The following LRGUK variants were observed in gnomAD, a reference collection of about 807,000 sequenced individuals.
The protein encoded by LRGUK is leucine-rich repeat and guanylate kinase domain-containing protein.
In LRGUK, 65 loss-of-function variants were observed where a neutral mutation model predicts 76.0. The observed-to-expected ratio is 0.85, with a 90% confidence interval of 0.70 to 1.05. The LOEUF (loss-of-function observed/expected upper bound fraction) is 1.05, where lower values mean the gene tolerates loss of function less well. LRGUK is among the 50% of genes least tolerant of loss of function. The probability of loss-of-function intolerance (pLI) is 0.00; values close to 1 mark genes in which losing one functional copy is unlikely to be tolerated. For missense variants in LRGUK, 758 were observed against 732.8 expected (o/e 1.03, Z -0.40); for synonymous variants, 268 against 265.6 (o/e 1.01, Z -0.09).
At chr7:134,189,136 T>C (rs537434103) in intron 11 of LRGUK, among the ~76,000 whole-genome samples, 44 of 152,292 alleles carry the variant, frequency 2.9e-4, no homozygotes, top group African/African-American at 9.9e-4. Flanking sequence ...GAGTCTGGGG[T>C]TCATCTCTAA....
At position 134,139,387 on chromosome 7, in the gene LRGUK, A is replaced by G. The variant is rs1797670337; in HGVS notation, c.406-49A>G. On this transcript the variant is annotated intron_variant, in intron 2 of 15. Transcript: ENST00000645682. ...AAGAGTTATTGCAAGAAGGCTGAGT[A>G]GTAACCTGATAAAGCAACATTAAAG... is the stretch of plus-strand genomic sequence containing the variant. The G allele has an allele frequency of 2.5e-6, 3 of 1,203,224 alleles. No homozygotes were observed. The East Asian group carries it at 7.1e-5, about 29-fold the overall frequency. 74.5% of individuals were successfully genotyped at this position (1,203,224 alleles called of 1,614,324 possible).
chr7:134,166,438 C>T (rs1462483770), intron 7 of LRGUK, among the ~76,000 whole-genome samples: 1 of 152,058 alleles, frequency 6.6e-6, no homozygotes, highest in Non-Finnish European at 1.5e-5. Flanking sequence ...AACCTCAGTC[C>T]TTTCTTCTAG....
At chr7:134,223,929 A>G (rs1447957355) in intron 16 of LRGUK, among the ~76,000 whole-genome samples, 1 of 152,080 alleles carries the variant, frequency 6.6e-6, no homozygotes, top group Admixed American at 6.5e-5. Context: ...GCTAACTAGT[A>G]GGTTTTTTTC....
At chr7:134,262,819 T>C (rs1802763948) in intron 19 of LRGUK, among the ~76,000 whole-genome samples, 1 of 151,600 alleles carries the variant, frequency 6.6e-6, no homozygotes, top group Non-Finnish European at 1.5e-5. Flanking sequence ...AATACAAAAA[T>C]TACGCAGATG....
At chr7:134,202,108 A>C (rs922898941) in intron 15 of LRGUK, among the ~76,000 whole-genome samples, 3 of 152,168 alleles carry the variant, frequency 2.0e-5, no homozygotes, top group Non-Finnish European at 2.9e-5. Flanking sequence ...GTTCTGCTAC[A>C]TGGACCTAAT....
intron 15 of LRGUK, among the ~76,000 whole-genome samples, chr7:134,203,219 A>G (rs760103477): frequency 2.0e-5 from 3 of 152,152 alleles, no homozygotes; most frequent in African/African-American, 4.8e-5. Flanking sequence ...AAAATGGTTA[A>G]GATAGTCAAT....
At chr7:134,238,772 TC>T (rs1291195594) in intron 16 of LRGUK, among the ~76,000 whole-genome samples, 1 of 152,192 alleles carries the variant, frequency 6.6e-6, no homozygotes, top group Non-Finnish European at 1.5e-5. Context: ...ACTTTGGGAT[TC>T]CACTAGATAC....
chr7:134,181,713 G>A (rs888511804), intron 10 of LRGUK, among the ~76,000 whole-genome samples: 2 of 152,020 alleles, frequency 1.3e-5, no homozygotes, highest in Non-Finnish European at 2.9e-5. Flanking sequence ...TTCACATGAA[G>A]TTGTAAGAAA....
At chr7:134,202,443 A>T (rs751234238) in intron 15 of LRGUK, among the ~76,000 whole-genome samples, 10 of 152,188 alleles carry the variant, frequency 6.6e-5, no homozygotes, top group Admixed American at 1.3e-4. Flanking sequence ...GTTCCTCAAA[A>T]AATTAGCAAT....
At chr7:134,191,020 G>A (rs114872195) in intron 11 of LRGUK, among the ~76,000 whole-genome samples, 4,194 of 152,144 alleles carry the variant, frequency 0.028, 124 homozygotes, top group African/African-American at 0.077. Context: ...CTTCCATTCA[G>A]CATTGGCACC....
chr7:134,210,590 G>C (rs377640266), downstream of LRGUK, among the ~76,000 whole-genome samples: 1 of 152,174 alleles, frequency 6.6e-6, no homozygotes, highest in South Asian at 2.1e-4. Context: ...GAGGGAAAAG[G>C]CCCCTGCGGA....
chr7:134,206,099 C>T (rs1218607417), intron 15 of LRGUK, among the ~76,000 whole-genome samples: 1 of 152,044 alleles, frequency 6.6e-6, no homozygotes, highest in Non-Finnish European at 1.5e-5. Context: ...CAGCCTGGAC[C>T]CAGAAATATA....
rs145106922 is a variant in LRGUK, at chr7:134,197,650, G to A, written c.1545+545G>A. 1.5e-3 allele frequency among the ~76,000 whole-genome samples: 224 copies of A among 152,190 alleles called. 7 individuals are homozygous for A. In the East Asian group the frequency reaches 0.037, roughly 25 times the overall value. On this transcript the variant is annotated intron_variant, in intron 13 of 15. Transcript: ENST00000645682. ...ATTTAACTGCAGTTGCTCACTGGGT[G>A]TAATATTTTCATACTTCTGGCAATT... is the stretch of plus-strand genomic sequence containing the variant.
chr7:134,163,459 T>C (rs1168820212), exon 7 of LRGUK: 1 of 1,613,916 alleles, frequency 6.2e-7, no homozygotes, highest in Non-Finnish European at 8.5e-7. Context: ...AGAACCTGGA[T>C]CTGTCCCACA....
At chr7:134,139,640 A>C in intron 3 of LRGUK, 123 bp downstream of exon 3, 1 of 615,574 alleles carries the variant, frequency 1.6e-6, no homozygotes, top group Non-Finnish European at 2.7e-6. Context: ...TTACATATTG[A>C]TCCTTTGCTT....
chr7:134,152,634 G>T (rs1471670733), intron 5 of LRGUK, among the ~76,000 whole-genome samples: 1 of 152,014 alleles, frequency 6.6e-6, no homozygotes, highest in Non-Finnish European at 1.5e-5. Context: ...TACCTTGTTT[G>T]TGGGTATGAA....
downstream of LRGUK, among the ~76,000 whole-genome samples, chr7:134,213,157 C>G (rs1322289306): frequency 6.6e-6 from 1 of 152,090 alleles, no homozygotes; most frequent in Non-Finnish European, 1.5e-5. Flanking sequence ...AGATGCAGGT[C>G]TATATAGATC....
intron 3 of LRGUK, among the ~76,000 whole-genome samples, chr7:134,140,401 T>C (rs1328858884): frequency 6.6e-6 from 1 of 152,202 alleles, no homozygotes; most frequent in African/African-American, 2.4e-5. Context: ...ACTCCACAAT[T>C]TGTAGTTTTA....
At chr7:134,137,282 AT>A in intron 2 of LRGUK, 152 bp downstream of exon 2, 1 of 629,418 alleles carries the variant, frequency 1.6e-6, no homozygotes. Context: ...TTCTGTAAAT[AT>A]TAGACTTCAA....
Sources: gnomAD v4.1 joint callset for allele counts (sites outside exome capture counted in the v4.1 genomes callset) on GRCh38, gnomAD v4.1.1 for gene constraint, MANE v1.5 for transcripts, NCBI Gene and HGNC (gene_info 2026-07-23, HGNC 2026-07-21) for gene names.